RUFY3: variants seen among roughly 807,000 people sequenced by gnomAD.
RUFY3 encodes the protein RUN and FYVE domain containing 3.
In RUFY3, 34 loss-of-function variants were observed where a neutral mutation model predicts 84.0. That is an observed-to-expected ratio of 0.40 (90% CI 0.31 to 0.54). RUFY3 has a LOEUF of 0.54. Ranked by LOEUF, RUFY3 falls within the 20% of genes least tolerant of loss-of-function variation. RUFY3 has a pLI of 0.39. For synonymous variants in RUFY3, 242 were observed against 252.9 expected, an observed-to-expected ratio of 0.96 and a Z score of 0.41; for missense variants, 507 against 736.8, an observed-to-expected ratio of 0.69 and a Z score of 3.61.
At chr4:70,769,337 A>C (rs528581700) in intron 5 of RUFY3, among the ~76,000 whole-genome samples, 1 of 152,324 alleles carries the variant, frequency 6.6e-6, no homozygotes, top group East Asian at 1.9e-4. Flanking sequence ...CTCTAAAAAA[A>C]ATTTTTTAAA....
At chr4:70,729,096 C>T (rs1270242086) in intron 1 of RUFY3, among the ~76,000 whole-genome samples, 2 of 152,052 alleles carry the variant, frequency 1.3e-5, no homozygotes, top group Non-Finnish European at 2.9e-5. Context: ...GTTGATTTGG[C>T]AATTCGTGTT....
chr4:70,732,491 A>AGACTT (rs1719437898), intron 1 of RUFY3, among the ~76,000 whole-genome samples: 1 of 152,188 alleles, frequency 6.6e-6, no homozygotes, highest in African/African-American at 2.4e-5. Context: ...ATAGTAGCAA[A>AGACTT]GACTTGGAAC....
At chr4:70,796,115 C>G (rs1261548523) in intron 14 of RUFY3, among the ~76,000 whole-genome samples, 1 of 152,168 alleles carries the variant, frequency 6.6e-6, no homozygotes, top group African/African-American at 2.4e-5. Flanking sequence ...ATGAGAATCA[C>G]TTGAACCTGG....
At chr4:70,775,267 G>A (rs1394094589) in intron 7 of RUFY3, 34 bp downstream of exon 7, 2 of 1,376,276 alleles carry the variant, frequency 1.5e-6, no homozygotes, top group Admixed American at 1.8e-5. Flanking sequence ...CTTTACTGGG[G>A]AATTGTTGAA....
chr4:70,777,237 A>ACAAAAC (rs1728116741), intron 7 of RUFY3, among the ~76,000 whole-genome samples: 1 of 152,202 alleles, frequency 6.6e-6, no homozygotes, highest in South Asian at 2.1e-4. Flanking sequence ...ACCACAGAAA[A>ACAAAAC]CAAAACTATA....
intron 17 of RUFY3, among the ~76,000 whole-genome samples, 195 bp from the exon 18 acceptor site, chr4:70,806,321 T>G (rs1732843113): frequency 6.6e-6 from 1 of 152,238 alleles, no homozygotes. Context: ...CTGCTTCTTT[T>G]CATTTAAATC....
intron 11 of RUFY3, 126 bp downstream of exon 11, chr4:70,789,099 A>G: frequency 7.0e-7 from 1 of 1,433,898 alleles, no homozygotes; most frequent in Non-Finnish European, 9.2e-7. Context: ...TTTTGATGCT[A>G]GCTGCCAGTA....
chr4:70,774,355 T>C lies in RUFY3; in HGVS notation c.758+783T>C, dbSNP rs1422301250. ...CGGGCATGGTGGCTCATGCTTGTAA[T>C]CCCAGCACTTTGGGAGGCCGAGGCA... On this transcript the variant is annotated intron_variant, in intron 6 of 17. Transcript: ENST00000381006. Among the ~76,000 whole-genome samples, 5 of 151,192 alleles carry C rather than the reference T, an allele frequency of 3.3e-5. No homozygotes were observed. The South Asian group carries it at 1.0e-3, about 32-fold the overall frequency.
In RUFY3 at chr4:70,763,808, G is replaced by A. The variant is rs1221400023; in HGVS notation, c.470+139G>A. 2.6e-5 allele frequency: 27 copies of A among 1,023,342 alleles called. No individual in the cohort carries two copies. In the Admixed American group the frequency reaches 3.3e-4, roughly 13 times the overall value. 63.4% of individuals were successfully genotyped at this position (1,023,342 alleles called of 1,614,324 possible). ...ATGCATGATGTCATGAATAGGTGCT[G>A]ACAGGAGAGAATTGGTATACAGAAT... On this transcript the variant is annotated intron_variant, in intron 3 of 17. Coordinates refer to ENST00000381006, the MANE Select transcript of RUFY3 (RefSeq NM_001037442.4).
Position 70,722,033 on chromosome 4 carries a change from A to C in RUFY3, c.-541A>C. 8.1e-7 allele frequency: 1 copy of C among 1,232,176 alleles called. No homozygotes were observed. The highest frequency in any genetic ancestry group is 1.5e-5 in the African/African-American group (1 of 64,542). The allele number at this position is 1,232,176 out of a possible 1,614,324, so 76.3% of individuals were successfully genotyped here. On this transcript the variant is annotated 5_prime_UTR_variant, in exon 1 of 18. Coordinates refer to ENST00000381006, the MANE Select transcript of RUFY3 (RefSeq NM_001037442.4). Reference sequence around the variant, plus strand: ...ACGGCCAATCCTATGAGAACTCAGCATCCCAGCTCATCTGAGCAGATCCTG... The same window carrying C: ...ACGGCCAATCCTATGAGAACTCAGCCTCCCAGCTCATCTGAGCAGATCCTG...
At chr4:70,705,274 G>A in exon 1 of RUFY3, 2 of 1,429,976 alleles carry the variant, frequency 1.4e-6, no homozygotes, top group South Asian at 1.4e-5. Context: ...GGCGGCGGCA[G>A]CAGCGGCAGC....
intron 1 of RUFY3, among the ~76,000 whole-genome samples, chr4:70,731,339 G>A (rs773292939): frequency 2.0e-5 from 3 of 152,148 alleles, no homozygotes; most frequent in Non-Finnish European, 4.4e-5. Flanking sequence ...AGCCTGGCCA[G>A]TGATTGCCAT....
intron 8 of RUFY3, among the ~76,000 whole-genome samples, chr4:70,779,623 T>C (rs1307675439): frequency 6.6e-6 from 1 of 151,298 alleles, no homozygotes; most frequent in Non-Finnish European, 1.5e-5. Flanking sequence ...TATCATTCTG[T>C]TGTCCAGGCT....
chr4:70,741,705 AGCTTTTTCTCCTT>A, intron 1 of RUFY3: 4 of 1,447,378 alleles, frequency 2.8e-6, no homozygotes, highest in Non-Finnish European at 3.6e-6. Context: ...AACATCTTTC[AGCTTTTTCTCCTT>A]GCTTTTTAAA....
intron 1 of RUFY3, among the ~76,000 whole-genome samples, chr4:70,723,972 G>A (rs866340652): frequency 6.6e-6 from 1 of 152,296 alleles, no homozygotes. Flanking sequence ...CATTTTGGGT[G>A]TGTCTTTAAG....
At chr4:70,771,861 AT>A (rs1399080393) in intron 5 of RUFY3, among the ~76,000 whole-genome samples, 3 of 152,166 alleles carry the variant, frequency 2.0e-5, no homozygotes, top group Non-Finnish European at 4.4e-5. Context: ...TATTCTTACA[AT>A]AAAGTAAGCT....
At chr4:70,746,762 G>A (rs917274838) in intron 1 of RUFY3, among the ~76,000 whole-genome samples, 3 of 152,078 alleles carry the variant, frequency 2.0e-5, no homozygotes, top group African/African-American at 7.2e-5. Flanking sequence ...ATGATTCTTC[G>A]GAGAATTATG....
At chr4:70,708,635 T>G (rs1223046977) in intron 1 of RUFY3, among the ~76,000 whole-genome samples, 1 of 152,224 alleles carries the variant, frequency 6.6e-6, no homozygotes, top group African/African-American at 2.4e-5. Context: ...GACTGTGTAT[T>G]AAGGTGGTAT....
intron 1 of RUFY3, among the ~76,000 whole-genome samples, chr4:70,751,693 T>C (rs1470137460): frequency 1.3e-5 from 2 of 152,232 alleles, no homozygotes; most frequent in Non-Finnish European, 2.9e-5. Context: ...GTGGGTTGTC[T>C]TTTCACTTTC....
Sources: gnomAD v4.1 joint callset for allele counts (sites outside exome capture counted in the v4.1 genomes callset) on GRCh38, gnomAD v4.1.1 for gene constraint, MANE v1.5 for transcripts, NCBI Gene and HGNC (gene_info 2026-07-23, HGNC 2026-07-21) for gene names.